The following SFXN2 variants were observed in gnomAD, a reference collection of about 807,000 sequenced individuals.
SFXN2 encodes the protein sideroflexin-2.
Under a neutral mutation model 41.9 loss-of-function variants are expected in SFXN2, and 37 were observed. The ratio of observed to expected loss-of-function variants is 0.88; its 90% CI spans 0.68 to 1.16. SFXN2 has a LOEUF of 1.16. SFXN2 is among the 50% of genes most tolerant of loss of function. SFXN2 has a pLI of 0.00. For synonymous variants in SFXN2, 150 were observed against 156.7 expected (o/e 0.96, Z 0.32); for missense variants, 386 against 425.2 (o/e 0.91, Z 0.81).
rs1842810887 is a variant in SFXN2, at chr10:102,743,027, TGTA to T, written c.*5268_*5270del. On this transcript the variant is annotated 3_prime_UTR_variant, in exon 12 of 12. Coordinates refer to ENST00000369893, the MANE Select transcript of SFXN2 (RefSeq NM_178858.6). ...AGTGTGAGTGGAATGTGTGGGAAAATGTAGTGGTGAGAGGTGAGATAAAGAGAA... is the reference window on the plus strand; with the variant it reads ...AGTGTGAGTGGAATGTGTGGGAAAATGTGGTGAGAGGTGAGATAAAGAGAA... 3 of 151,920 alleles carry T rather than the reference TGTA, an allele frequency of 2.0e-5. No homozygotes were observed. The highest frequency in any genetic ancestry group is 1.3e-4 in the Admixed American group (2 of 15,250). 9.4% of individuals were successfully genotyped at this position (151,920 alleles called of 1,614,324 possible).
chr10:102,735,642 G>C (rs914422931), intron 10 of SFXN2, among the ~76,000 whole-genome samples: 1 of 152,164 alleles, frequency 6.6e-6, no homozygotes, highest in East Asian at 1.9e-4. Flanking sequence ...AGTAAGGGTG[G>C]GAATGAGTGA....
intron 11 of SFXN2, among the ~76,000 whole-genome samples, chr10:102,736,642 C>T (rs1358176212): frequency 6.6e-6 from 1 of 151,772 alleles, no homozygotes; most frequent in African/African-American, 2.4e-5. Context: ...GTCTCAATCT[C>T]CTCACCTTGT....
In SFXN2 at chr10:102,727,052, C is replaced by G. The variant is rs200250986; in HGVS notation, c.227C>G (p.Ser76Trp). 6.2e-7 allele frequency: 1 copy of G among 1,610,100 alleles called. No individual in the cohort carries two copies. The highest frequency in any genetic ancestry group is 2.2e-5 in the East Asian group (1 of 44,736). ...QLLYAKKLYDSAFHPDTGEKM... is the reference protein window; with the variant it reads ...QLLYAKKLYDWAFHPDTGEKM... ...CTGTATGCCAAGAAGCTGTATGACT[C>G]GGCCTTCCACCCCGACACTGGGGAG... Residue 76 changes from serine to tryptophan, a missense_variant, in exon 3 of 12, where the codon TCG (serine) becomes TGG (tryptophan). Transcript: ENST00000369893.
At chr10:102,729,485 C>A in intron 5 of SFXN2, 91 bp downstream of exon 5, 1 of 1,462,686 alleles carries the variant, frequency 6.8e-7, no homozygotes, top group Admixed American at 1.9e-5. Context: ...GTTCCCCAGG[C>A]TGGGTGAGTT....
At chr10:102,725,423 G>A (rs905479164) in intron 1 of SFXN2, among the ~76,000 whole-genome samples, 8 of 152,132 alleles carry the variant, frequency 5.3e-5, no homozygotes, top group Non-Finnish European at 1.2e-4. Flanking sequence ...GGTAGACCTT[G>A]TTGAGAAGAA....
At chr10:102,728,050 G>C (rs2064633298) in intron 3 of SFXN2, among the ~76,000 whole-genome samples, 1 of 152,132 alleles carries the variant, frequency 6.6e-6, no homozygotes. Flanking sequence ...TGTAATCCCA[G>C]CACTTTGGGA....
chr10:102,737,761 A>G lies in SFXN2; in HGVS notation c.968A>G (p.Ter323=), dbSNP rs2064801439. ...TATGTCTACTTCAATAAGGGTCTCT[A>G]AATGCCCCACTTCAGCAAGGACCAG... The part of the protein sequence containing the change: ...EPYVYFNKGL[*] The change falls in exon 12 of 12, where the codon TAA becomes TGA. Residue 323 remains the stop codon, a stop_retained_variant. Coordinates refer to ENST00000369893, the MANE Select transcript of SFXN2 (RefSeq NM_178858.6). 2 of 1,604,792 alleles carry G rather than the reference A, an allele frequency of 1.2e-6. No homozygotes were observed.
At chr10:102,736,716 C>T (rs868232677) in intron 11 of SFXN2, among the ~76,000 whole-genome samples, 1 of 151,102 alleles carries the variant, frequency 6.6e-6, no homozygotes, top group Non-Finnish European at 1.5e-5. Flanking sequence ...CGCCTGGCCT[C>T]ATTTTGTATT....
chr10:102,726,378 A>G, intron 1 of SFXN2: 1 of 491,956 alleles, frequency 2.0e-6, no homozygotes, highest in South Asian at 2.5e-5. Flanking sequence ...CCCCTTTTCC[A>G]GTCCCTCCTG....
intron 10 of SFXN2, among the ~76,000 whole-genome samples, chr10:102,733,864 T>G (rs951008846): frequency 6.8e-6 from 1 of 147,868 alleles, no homozygotes; most frequent in African/African-American, 2.5e-5. Flanking sequence ...CCTTTGACCT[T>G]AAGTCTGGAG....
Position 102,738,803 on chromosome 10 carries a change from CTG to C in SFXN2, c.*1044_*1045del, listed in dbSNP as rs1233139825. On this transcript the variant is annotated 3_prime_UTR_variant, in exon 12 of 12. Coordinates refer to ENST00000369893, the MANE Select transcript of SFXN2 (RefSeq NM_178858.6). Reference sequence around the variant, plus strand: ...CTGTTTTAAAAGATAAGTCCACTAACTGTGAGTAAAAATGATATATATAGGCA... The same window carrying C: ...CTGTTTTAAAAGATAAGTCCACTAACTGAGTAAAAATGATATATATAGGCA... 2 of 152,632 alleles carry C rather than the reference CTG, an allele frequency of 1.3e-5. No homozygotes were observed. Among genetic ancestry groups the C allele is most frequent in the South Asian group, 4.1e-4 (2 of 4,828 alleles). The allele number at this position is 152,632 out of a possible 1,614,324, so 9.5% of individuals were successfully genotyped here. A position where few individuals can be genotyped will look rare whatever the true frequency, so the allele number is the denominator to read the frequency against.
intron 1 of SFXN2, among the ~76,000 whole-genome samples, chr10:102,722,515 TA>T (rs2064522830): frequency 6.6e-6 from 1 of 152,148 alleles, no homozygotes; most frequent in South Asian, 2.1e-4. Context: ...ATAAGAGAAA[TA>T]AAGATTTTTA....
At chr10:102,726,824 G>A in intron 2 of SFXN2, 27 bp downstream of exon 2, 1 of 1,613,274 alleles carries the variant, frequency 6.2e-7, no homozygotes, top group Non-Finnish European at 8.5e-7. Context: ...GGGGCTGGAA[G>A]TAGTAGGGTA....
chr10:102,728,858 C>T (rs995501412), intron 4 of SFXN2, among the ~76,000 whole-genome samples: 4 of 152,184 alleles, frequency 2.6e-5, no homozygotes, highest in East Asian at 3.9e-4. Context: ...GTAATCCTAG[C>T]GCTTTGGGAG....
chr10:102,735,835 G>C, intron 10 of SFXN2, 27 bp from the exon 11 acceptor site: 1 of 1,613,794 alleles, frequency 6.2e-7, no homozygotes, highest in South Asian at 1.1e-5. Flanking sequence ...GATGTCCCCT[G>C]ATGCTTTGGT....
intron 3 of SFXN2, chr10:102,727,924 G>A (rs2064630221): frequency 5.9e-6 from 1 of 168,534 alleles, no homozygotes; most frequent in Admixed American, 5.7e-5. Context: ...AACAGGGCAG[G>A]GTTGGCCATG....
chr10:102,717,998 G>A (rs2064442686), intron 1 of SFXN2, among the ~76,000 whole-genome samples: 1 of 152,236 alleles, frequency 6.6e-6, no homozygotes, highest in Non-Finnish European at 1.5e-5. Flanking sequence ...AGTTTGTCCT[G>A]AAGGAGTCGG....
rs990098097 is a variant in SFXN2, at chr10:102,741,942, C to T, written c.*4180C>T. Reference sequence around the variant, plus strand: ...TGGAAAAGCAGGATCAAGATAAAGGCAGAACTATGGACTTTCTTAAGCTGA... The same window carrying T: ...TGGAAAAGCAGGATCAAGATAAAGGTAGAACTATGGACTTTCTTAAGCTGA... On this transcript the variant is annotated 3_prime_UTR_variant, in exon 12 of 12. Coordinates refer to ENST00000369893, the MANE Select transcript of SFXN2 (RefSeq NM_178858.6). The T allele has an allele frequency of 6.6e-6, 1 of 152,192 alleles. No homozygotes were observed. Among genetic ancestry groups the T allele is most frequent in the Non-Finnish European group, 1.5e-5 (1 of 68,038 alleles). 9.4% of individuals were successfully genotyped at this position (152,192 alleles called of 1,614,324 possible). A position where few individuals can be genotyped will look rare whatever the true frequency, so the allele number is the denominator to read the frequency against.
chr10:102,728,265 C>G (rs1409593810), intron 3 of SFXN2, among the ~76,000 whole-genome samples, 166 bp from the exon 4 acceptor site: 1 of 152,134 alleles, frequency 6.6e-6, no homozygotes, highest in Non-Finnish European at 1.5e-5. Context: ...TACCACTGCA[C>G]TCCAGCCTGG....
Sources: gnomAD v4.1 joint callset for allele counts (sites outside exome capture counted in the v4.1 genomes callset) on GRCh38, gnomAD v4.1.1 for gene constraint, MANE v1.5 for transcripts, NCBI Gene and HGNC (gene_info 2026-07-23, HGNC 2026-07-21) for gene names.